The following MAF variants were observed in gnomAD, a reference collection of about 807,000 sequenced individuals.
MAF encodes the protein transcription factor Maf.
A neutral mutation model predicts 22.0 loss-of-function variants in MAF; 10 were observed. The observed-to-expected ratio is 0.45, with a 90% confidence interval of 0.28 to 0.77. The LOEUF (loss-of-function observed/expected upper bound fraction) is 0.77, where lower values mean the gene tolerates loss of function less well. Ranked by LOEUF, MAF falls within the 30% of genes least tolerant of loss-of-function variation. The pLI, the probability that MAF is intolerant of heterozygous loss-of-function variation, is 0.12. For synonymous variants in MAF, 337 were observed against 255.8 expected (o/e 1.32, Z -3.03); for missense variants, 544 against 548.4 (o/e 0.99, Z 0.08).
the MAF span, among the ~76,000 whole-genome samples, chr16:79,217,104 C>A: frequency 6.6e-6 from 1 of 152,194 alleles, no homozygotes; most frequent in African/African-American, 2.4e-5. Flanking sequence ...GCCATCGCAC[C>A]CGGTGTCATC....
chr16:79,453,718 G>A, the MAF span, among the ~76,000 whole-genome samples: 14 of 152,236 alleles, frequency 9.2e-5, no homozygotes, highest in Admixed American at 2.0e-4. Context: ...TATCTTGAGG[G>A]TGATTTGAAC....
the MAF span, among the ~76,000 whole-genome samples, chr16:79,425,323 C>G: frequency 1.3e-5 from 2 of 151,494 alleles, no homozygotes; most frequent in African/African-American, 4.9e-5. Flanking sequence ...AATGAAATTC[C>G]CTTGGGCTTT....
the MAF span, among the ~76,000 whole-genome samples, chr16:79,285,147 GA>G: frequency 6.6e-6 from 1 of 152,050 alleles, no homozygotes; most frequent in Non-Finnish European, 1.5e-5. Context: ...TTCCTTGAGG[GA>G]TGCCTGGCTT....
the MAF span, among the ~76,000 whole-genome samples, chr16:79,252,508 G>A: frequency 6.6e-6 from 1 of 151,206 alleles, no homozygotes; most frequent in African/African-American, 2.4e-5. Context: ...CTTTTTTTTC[G>A]AGATAGAGTC....
At chr16:79,250,289 G>A in the MAF span, among the ~76,000 whole-genome samples, 1 of 152,224 alleles carries the variant, frequency 6.6e-6, no homozygotes, top group Non-Finnish European at 1.5e-5. Flanking sequence ...AACAAAAGAG[G>A]ACTTCTGGTG....
chr16:79,279,992 G>A, the MAF span, among the ~76,000 whole-genome samples: 1 of 152,196 alleles, frequency 6.6e-6, no homozygotes, highest in Non-Finnish European at 1.5e-5. Flanking sequence ...TTGATGTGAA[G>A]CATGGTTTCT....
the MAF span, among the ~76,000 whole-genome samples, chr16:79,428,849 A>AAATAATAAAAATAAT: frequency 6.8e-6 from 1 of 146,596 alleles, no homozygotes. Context: ...TGTCTCAGAA[A>AAATAATAAAAATAAT]AATAATAATA....
chr16:79,367,675 G>A, the MAF span, among the ~76,000 whole-genome samples: 1 of 152,210 alleles, frequency 6.6e-6, no homozygotes, highest in East Asian at 1.9e-4. Flanking sequence ...TAGTCAGTGT[G>A]GCCAAGGAAC....
chr16:79,375,712 T>A, the MAF span, among the ~76,000 whole-genome samples: 1 of 152,104 alleles, frequency 6.6e-6, no homozygotes, highest in Admixed American at 6.6e-5. Flanking sequence ...TAACATCACA[T>A]CACAAATGGG....
chr16:79,358,289 C>A, the MAF span, among the ~76,000 whole-genome samples: 2 of 152,312 alleles, frequency 1.3e-5, no homozygotes, highest in East Asian at 3.9e-4. Context: ...TCGACCCCAG[C>A]AGGCTACAGG....
the MAF span, among the ~76,000 whole-genome samples, chr16:79,308,828 C>T: frequency 1.3e-5 from 2 of 152,120 alleles, no homozygotes; most frequent in South Asian, 2.1e-4. Context: ...ACTCTGGAAC[C>T]TGGGTCCTCT....
At chr16:79,426,030 C>T in the MAF span, among the ~76,000 whole-genome samples, 1 of 152,066 alleles carries the variant, frequency 6.6e-6, no homozygotes, top group Middle Eastern at 3.2e-3. Context: ...CACAGTGAAA[C>T]CCTGTCTCTA....
the MAF span, among the ~76,000 whole-genome samples, chr16:79,539,870 TCC>T: frequency 6.6e-6 from 1 of 152,236 alleles, no homozygotes; most frequent in Middle Eastern, 3.2e-3. Context: ...AAAAAGATTC[TCC>T]GAGGTAAAAA....
At chr16:79,327,686 A>G in the MAF span, among the ~76,000 whole-genome samples, 6 of 152,114 alleles carry the variant, frequency 3.9e-5, no homozygotes, top group African/African-American at 1.4e-4. Context: ...CATCGTCATA[A>G]TGTTGCTTGA....
At chr16:79,367,839 T>G in the MAF span, among the ~76,000 whole-genome samples, 1 of 152,246 alleles carries the variant, frequency 6.6e-6, no homozygotes, top group African/African-American at 2.4e-5. Flanking sequence ...CATATTTCTT[T>G]TATTCTGCTT....
the MAF span, among the ~76,000 whole-genome samples, chr16:79,492,612 G>T: frequency 2.0e-5 from 3 of 151,944 alleles, no homozygotes; most frequent in Non-Finnish European, 4.4e-5. Flanking sequence ...TAGCCCCAAA[G>T]CTTAAATGAA....
downstream of MAF, among the ~76,000 whole-genome samples, chr16:79,583,532 G>T (rs764215965): frequency 1.1e-4 from 16 of 152,284 alleles, no homozygotes; most frequent in Admixed American, 7.8e-4. Flanking sequence ...GGTTGCATCC[G>T]GATGGGTCTT....
intron 1 of MAF, among the ~76,000 whole-genome samples, chr16:79,586,164 C>T (rs1482126765): frequency 2.0e-5 from 3 of 152,188 alleles, no homozygotes; most frequent in Admixed American, 6.5e-5. Flanking sequence ...CAAGTTCACT[C>T]CCTCTGAACT....
chr16:79,577,204 C>T, the MAF span, among the ~76,000 whole-genome samples: 36 of 152,208 alleles, frequency 2.4e-4, 1 homozygote, highest in Middle Eastern at 3.4e-3. Flanking sequence ...AGCCTTGATA[C>T]TAATCACATT....
Sources: gnomAD v4.1 joint callset for allele counts (sites outside exome capture counted in the v4.1 genomes callset) on GRCh38, gnomAD v4.1.1 for gene constraint, MANE v1.5 for transcripts, NCBI Gene and HGNC (gene_info 2026-07-23, HGNC 2026-07-21) for gene names.